Variants in DOCK1 observed in about 807,000 individuals in gnomAD.
DOCK1 encodes dedicator of cytokinesis 1.
In DOCK1, 138 loss-of-function variants were observed where a neutral mutation model predicts 262.7. The ratio of observed to expected loss-of-function variants is 0.53; its 90% CI spans 0.46 to 0.61. The LOEUF (loss-of-function observed/expected upper bound fraction) is 0.61, where lower values mean the gene tolerates loss of function less well. Among genes scored for constraint, DOCK1 ranks in the 20% least tolerant of loss-of-function variants. DOCK1 has a pLI of 0.00. For synonymous variants in DOCK1, 866 were observed against 867.4 expected (o/e 1.00, Z 0.03); for missense variants, 1,908 against 2,370.7 (o/e 0.80, Z 4.05).
At chr10:127,198,236 C>T (rs905704949) in intron 27 of DOCK1, among the ~76,000 whole-genome samples, 1 of 152,230 alleles carries the variant, frequency 6.6e-6, no homozygotes, top group Non-Finnish European at 1.5e-5. Context: ...GGAGAAGTTG[C>T]CACTCTCCAG....
intron 39 of DOCK1, 21 bp from the exon 40 acceptor site, chr10:127,404,304 C>T: frequency 6.2e-7 from 1 of 1,602,344 alleles, no homozygotes; most frequent in Non-Finnish European, 8.5e-7. Context: ...ACCTGAAATG[C>T]ATTTTCTTTT....
intron 21 of DOCK1, among the ~76,000 whole-genome samples, chr10:127,049,966 CTCT>C (rs1182038902): frequency 1.7e-5 from 2 of 115,142 alleles, no homozygotes; most frequent in Non-Finnish European, 3.5e-5. Flanking sequence ...CAAAACTGGC[CTCT>C]TTTTTTTTTT....
intron 27 of DOCK1, among the ~76,000 whole-genome samples, chr10:127,211,136 A>G (rs972678614): frequency 1.3e-5 from 2 of 152,184 alleles, no homozygotes; most frequent in Non-Finnish European, 1.5e-5. Context: ...AAACTGTACA[A>G]TTGTGTCTGT....
chr10:127,152,500 T>C (rs191277080), intron 27 of DOCK1, among the ~76,000 whole-genome samples: 5 of 152,324 alleles, frequency 3.3e-5, no homozygotes, highest in Non-Finnish European at 7.3e-5. Flanking sequence ...CCAGGAGGCC[T>C]TACCAGCTTG....
At chr10:127,449,549 A>C (rs72843750) in intron 51 of DOCK1, among the ~76,000 whole-genome samples, 22,671 of 152,196 alleles carry the variant, frequency 0.15, 2,205 homozygotes, top group African/African-American at 0.28. Context: ...TGTGAATTCA[A>C]TTAGATTAAT....
intron 32 of DOCK1, among the ~76,000 whole-genome samples, chr10:127,361,696 A>T (rs1792820411): frequency 6.6e-6 from 1 of 151,882 alleles, no homozygotes; most frequent in Non-Finnish European, 1.5e-5. Context: ...AGAGGCTGAG[A>T]CCCCCGACTC....
chr10:127,018,906 G>A (rs1294426721), intron 13 of DOCK1, 71 bp downstream of exon 13: 27 of 1,587,914 alleles, frequency 1.7e-5, no homozygotes, highest in African/African-American at 6.8e-5. Flanking sequence ...TGACGTGTGG[G>A]CAGCATCATG....
chr10:127,202,971 A>C (rs1261447873), intron 27 of DOCK1, among the ~76,000 whole-genome samples: 2 of 152,194 alleles, frequency 1.3e-5, no homozygotes. Context: ...AGTAGCTTTG[A>C]CCAGCATTCT....
chr10:127,366,036 C>T (rs142292581), intron 33 of DOCK1, among the ~76,000 whole-genome samples: 4 of 152,184 alleles, frequency 2.6e-5, no homozygotes, highest in East Asian at 3.9e-4. Context: ...TGAAACATGC[C>T]GTGCTTGGAT....
intron 27 of DOCK1, among the ~76,000 whole-genome samples, chr10:127,168,783 C>T (rs1046641597): frequency 6.6e-6 from 1 of 152,196 alleles, no homozygotes; most frequent in Admixed American, 6.5e-5. Flanking sequence ...GACTCTAAGC[C>T]CACACCTTCG....
intron 28 of DOCK1, 138 bp downstream of exon 28, chr10:127,248,247 G>T: frequency 3.7e-6 from 3 of 803,550 alleles, no homozygotes; most frequent in South Asian, 3.6e-5. Context: ...ATGCCTCCTG[G>T]GAAGGTCTGA....
At chr10:127,424,605 C>G in intron 46 of DOCK1, among the ~76,000 whole-genome samples, 1 of 152,172 alleles carries the variant, frequency 6.6e-6, no homozygotes, top group Non-Finnish European at 1.5e-5. Context: ...GCGTCATCCC[C>G]CAAGGCGGAA....
At chr10:126,985,697 G>T (rs781028092) in intron 4 of DOCK1, among the ~76,000 whole-genome samples, 2 of 152,170 alleles carry the variant, frequency 1.3e-5, no homozygotes, top group Non-Finnish European at 2.9e-5. Context: ...ATTTCTCCCT[G>T]CAGACTTTAT....
chr10:127,273,023 T>G (rs1403627125), intron 29 of DOCK1, among the ~76,000 whole-genome samples: 1 of 152,206 alleles, frequency 6.6e-6, no homozygotes, highest in East Asian at 1.9e-4. Flanking sequence ...ACGTGGGAAT[T>G]CAAGATGAGA....
At chr10:127,074,886 G>A (rs976701286) in intron 23 of DOCK1, among the ~76,000 whole-genome samples, 1 of 152,134 alleles carries the variant, frequency 6.6e-6, no homozygotes, top group African/African-American at 2.4e-5. Context: ...GTTTGGCCGG[G>A]TGCGGTGGCT....
intron 38 of DOCK1, among the ~76,000 whole-genome samples, chr10:127,394,316 C>T (rs1323177250): frequency 6.7e-6 from 1 of 149,602 alleles, no homozygotes; most frequent in Non-Finnish European, 1.5e-5. Flanking sequence ...AAATAACCTT[C>T]CCTTGACAAA....
intron 29 of DOCK1, among the ~76,000 whole-genome samples, chr10:127,262,030 A>ATG (rs779453508): frequency 0.029 from 1,258 of 43,736 alleles, 17 homozygotes; most frequent in African/African-American, 0.049. Context: ...ATGTGTGTGC[A>ATG]TGTGTGTGTG....
intron 48 of DOCK1, among the ~76,000 whole-genome samples, chr10:127,436,506 G>A (rs1200679603): frequency 3.3e-5 from 5 of 152,090 alleles, no homozygotes; most frequent in African/African-American, 7.2e-5. Flanking sequence ...GCAACAGAGT[G>A]AGACTCTGTT....
chr10:126,929,289 C>T (rs1442186626), intron 1 of DOCK1, among the ~76,000 whole-genome samples: 1 of 152,164 alleles, frequency 6.6e-6, no homozygotes, highest in Non-Finnish European at 1.5e-5. Flanking sequence ...TTGGTGTGCT[C>T]ACCTGTAAAC....
Sources: gnomAD v4.1 joint callset for allele counts (sites outside exome capture counted in the v4.1 genomes callset) on GRCh38, gnomAD v4.1.1 for gene constraint, MANE v1.5 for transcripts, NCBI Gene and HGNC (gene_info 2026-07-23, HGNC 2026-07-21) for gene names.